Variants in SLX9 observed in about 807,000 individuals in gnomAD.
SLX9 encodes SLX9 ribosome biogenesis factor.
In SLX9, 19 loss-of-function variants were observed where a neutral mutation model predicts 20.8. That is an observed-to-expected ratio of 0.91 (90% CI 0.64 to 1.34). The LOEUF (loss-of-function observed/expected upper bound fraction) is 1.34. Ranked by LOEUF, SLX9 falls within the 40% of genes most tolerant of loss-of-function variation. SLX9 has a pLI of 0.00. For missense variants in SLX9, 299 were observed against 322.2 expected (o/e 0.93, Z 0.55); for synonymous variants, 113 against 137.1 (o/e 0.82, Z 1.23).
chr21:44,952,810 C>G (rs991579179), intron 2 of SLX9, among the ~76,000 whole-genome samples: 2 of 152,226 alleles, frequency 1.3e-5, no homozygotes, highest in African/African-American at 4.8e-5. Context: ...AGCTCGGTGG[C>G]TGGAGCTATT....
chr21:44,963,334 C>T (rs925181292), intron 3 of SLX9, among the ~76,000 whole-genome samples: 9 of 151,334 alleles, frequency 5.9e-5, no homozygotes, highest in South Asian at 2.1e-4. Flanking sequence ...GTGATCCGCC[C>T]GCCTTGGCCT....
At chr21:44,962,219 C>T (rs948731762) in intron 3 of SLX9, among the ~76,000 whole-genome samples, 1 of 152,182 alleles carries the variant, frequency 6.6e-6, no homozygotes, top group East Asian at 1.9e-4. Flanking sequence ...GTGTGCCATT[C>T]AATGATTGCT....
intron 2 of SLX9, among the ~76,000 whole-genome samples, chr21:44,950,067 A>G (rs2084726990): frequency 6.6e-6 from 1 of 151,556 alleles, no homozygotes; most frequent in South Asian, 2.1e-4. Context: ...ATCAGACAGT[A>G]CAGACTCTGG....
At chr21:44,971,930 C>T (rs1351994623) in intron 4 of SLX9, among the ~76,000 whole-genome samples, 2 of 152,072 alleles carry the variant, frequency 1.3e-5, no homozygotes, top group African/African-American at 4.8e-5. Context: ...GCAGAGGGGA[C>T]GGGAGATGCG....
chr21:44,962,311 C>A (rs1017514987), intron 3 of SLX9, among the ~76,000 whole-genome samples: 42 of 152,212 alleles, frequency 2.8e-4, no homozygotes, highest in Admixed American at 2.6e-3. Context: ...AGTCACGCAC[C>A]CCCCCAGTCA....
chr21:44,969,509 G>A (rs867271226), intron 4 of SLX9, among the ~76,000 whole-genome samples: 3 of 152,170 alleles, frequency 2.0e-5, no homozygotes, highest in Non-Finnish European at 4.4e-5. Flanking sequence ...GCCTCCTGTC[G>A]CTGGGAGTCC....
intron 2 of SLX9, among the ~76,000 whole-genome samples, chr21:44,945,701 T>G (rs1026026238): frequency 6.6e-6 from 1 of 151,900 alleles, no homozygotes; most frequent in Admixed American, 6.5e-5. Context: ...TGTTTTTGTT[T>G]GTTTGTTTTT....
intron 2 of SLX9, among the ~76,000 whole-genome samples, chr21:44,953,564 C>CGTCCGGGCCTCGGG (rs2084800460): frequency 6.6e-6 from 1 of 151,504 alleles, no homozygotes; most frequent in African/African-American, 2.5e-5. Flanking sequence ...TGGGGCCCTG[C>CGTCCGGGCCTCGGG]ATCCGGGCCT....
At chr21:44,975,979 G>T (rs1021729411) in intron 5 of SLX9, among the ~76,000 whole-genome samples, 1 of 152,244 alleles carries the variant, frequency 6.6e-6, no homozygotes, top group Admixed American at 6.5e-5. Context: ...CACACAGGCC[G>T]GAGGGGTACA....
chr21:44,970,996 G>C (rs1443672761), intron 4 of SLX9, among the ~76,000 whole-genome samples: 1 of 152,232 alleles, frequency 6.6e-6, no homozygotes, highest in Admixed American at 6.5e-5. Flanking sequence ...GGCAGGGCCC[G>C]TGTTTGGGGT....
intron 5 of SLX9, among the ~76,000 whole-genome samples, chr21:44,974,968 G>A (rs960858224): frequency 3.9e-5 from 6 of 152,182 alleles, no homozygotes; most frequent in Admixed American, 2.0e-4. Flanking sequence ...ATGTCCTTGC[G>A]GTCGCGGCAT....
intron 4 of SLX9, among the ~76,000 whole-genome samples, chr21:44,967,595 C>T (rs898954601): frequency 6.6e-6 from 1 of 152,210 alleles, no homozygotes; most frequent in Non-Finnish European, 1.5e-5. Context: ...TCTTCTCGTG[C>T]CTCTGACAGG....
At chr21:44,952,143 C>G (rs937358945) in intron 2 of SLX9, among the ~76,000 whole-genome samples, 1 of 131,860 alleles carries the variant, frequency 7.6e-6, no homozygotes, top group Non-Finnish European at 1.5e-5. Context: ...CTTGGCCAGC[C>G]TCTTCTGTGC....
intron 3 of SLX9, among the ~76,000 whole-genome samples, chr21:44,962,436 T>C (rs1206998032): frequency 6.6e-6 from 1 of 152,266 alleles, no homozygotes; most frequent in Non-Finnish European, 1.5e-5. Context: ...GGATGCACTC[T>C]TTCTGCATCT....
At chr21:44,960,330 G>A (rs2084931343) in intron 3 of SLX9, among the ~76,000 whole-genome samples, 162 bp downstream of exon 3, 1 of 152,154 alleles carries the variant, frequency 6.6e-6, no homozygotes, top group Non-Finnish European at 1.5e-5. Context: ...TGTGGGGGCC[G>A]AAGGACAGTG....
At chr21:44,970,192 A>G (rs2085117715) in intron 4 of SLX9, among the ~76,000 whole-genome samples, 1 of 152,210 alleles carries the variant, frequency 6.6e-6, no homozygotes, top group African/African-American at 2.4e-5. Context: ...AAGACACAGC[A>G]GTGACAGAGA....
chr21:44,953,050 G>A (rs1309532476), intron 2 of SLX9, among the ~76,000 whole-genome samples: 1 of 152,152 alleles, frequency 6.6e-6, no homozygotes, highest in African/African-American at 2.4e-5. Flanking sequence ...GGTCCCCAGG[G>A]CCCTGCCTCT....
chr21:44,948,349 C>A (rs1426158761), intron 2 of SLX9, among the ~76,000 whole-genome samples: 1 of 130,602 alleles, frequency 7.7e-6, no homozygotes, highest in South Asian at 2.5e-4. Flanking sequence ...GGGAGCTGGT[C>A]GTGGAGCATC....
chr21:44,960,300 C>G (rs955800043), intron 3 of SLX9, 132 bp downstream of exon 3: 58 of 829,140 alleles, frequency 7.0e-5, no homozygotes, highest in Non-Finnish European at 1.0e-4. Flanking sequence ...GGGGATCACC[C>G]AAGACACTTC....
Sources: gnomAD v4.1 joint callset for allele counts (sites outside exome capture counted in the v4.1 genomes callset) on GRCh38, gnomAD v4.1.1 for gene constraint, MANE v1.5 for transcripts, NCBI Gene and HGNC (gene_info 2026-07-23, HGNC 2026-07-21) for gene names.